The following RBM19 variants were observed in gnomAD, a reference collection of about 807,000 sequenced individuals.
RBM19 encodes RNA binding motif protein 19, also known as probable RNA-binding protein 19.
RBM19 carries 94 observed loss-of-function variants against 116.8 expected under a neutral mutation model. The observed-to-expected ratio is 0.80, with a 90% confidence interval of 0.68 to 0.95. The LOEUF (loss-of-function observed/expected upper bound fraction) is 0.95. Among genes scored for constraint, RBM19 ranks in the 40% least tolerant of loss-of-function variants. RBM19 has a pLI of 0.00. For missense variants in RBM19, 1,161 were observed against 1,220.7 expected (o/e 0.95, Z 0.73); for synonymous variants, 475 against 494.1 (o/e 0.96, Z 0.51).
In RBM19 at chr12:113,947,337, G is replaced by T. The variant is rs769013754; in HGVS notation, c.1404C>A (p.Phe468Leu). 6.3e-7 allele frequency: 1 copy of T among 1,593,766 alleles called. No individual in the cohort carries two copies. The highest frequency in any genetic ancestry group is 1.1e-5 in the South Asian group (1 of 90,070). Residue 468 changes from phenylalanine (F) to leucine (L), a missense_variant, in exon 11 of 24, where the codon TTC (phenylalanine) becomes TTA (leucine). By Grantham distance (22) the Phe-to-Leu change is conservative. Coordinates refer to ENST00000261741, the MANE Select transcript of RBM19 (RefSeq NM_016196.4). ...KAYSEVDGQV[F>L]QGRMLHVLPS... ...CCAGCCCAGGACGGGGCCTCACCTG[G>T]AATACCTGCCCGTCCACCTCCGAGT...
intron 21 of RBM19, among the ~76,000 whole-genome samples, chr12:113,869,688 T>C (rs1462675773): frequency 6.6e-6 from 1 of 151,752 alleles, no homozygotes; most frequent in Non-Finnish European, 1.5e-5. Context: ...GTACACGAAA[T>C]GTGAAAAGAG....
intron 21 of RBM19, among the ~76,000 whole-genome samples, chr12:113,889,964 A>G (rs1045296181): frequency 4.0e-5 from 6 of 151,490 alleles, no homozygotes; most frequent in African/African-American, 1.5e-4. Flanking sequence ...CTCCTTCTCC[A>G]GCTCCCCAGC....
chr12:113,844,004 G>A (rs931085323), intron 23 of RBM19, among the ~76,000 whole-genome samples: 9 of 152,232 alleles, frequency 5.9e-5, no homozygotes, highest in Non-Finnish European at 7.3e-5. Context: ...TAGCCCACCT[G>A]ATGAGGAATG....
In RBM19 at chr12:113,966,295, C is replaced by T; in HGVS notation, c.-68G>A. The T allele has an allele frequency of 6.3e-7, 1 of 1,597,738 alleles. No homozygotes were observed. Among genetic ancestry groups the T allele is most frequent in the Non-Finnish European group, 8.6e-7 (1 of 1,165,142 alleles). ...GCGTCTTCCACCAAGTTTCACGCTA[C>T]CGCCCTGGGCGCCGCCATCTTTACC... On this transcript the variant is annotated 5_prime_UTR_variant, in exon 1 of 24. Coordinates refer to ENST00000261741, the MANE Select transcript of RBM19 (RefSeq NM_016196.4).
At chr12:113,913,346 G>A (rs951014265) in intron 21 of RBM19, among the ~76,000 whole-genome samples, 5 of 152,146 alleles carry the variant, frequency 3.3e-5, no homozygotes, top group African/African-American at 1.2e-4. Flanking sequence ...AGGGACGACT[G>A]ATCAGTCGAG....
intron 21 of RBM19, among the ~76,000 whole-genome samples, chr12:113,886,341 C>G (rs1880516246): frequency 6.6e-6 from 1 of 152,072 alleles, no homozygotes; most frequent in South Asian, 2.1e-4. Context: ...CTATGTTGTC[C>G]ATGCTAGTCT....
chr12:113,939,840 C>T (rs747986048), intron 15 of RBM19, 120 bp downstream of exon 15: 32 of 1,025,010 alleles, frequency 3.1e-5, no homozygotes, highest in Non-Finnish European at 3.9e-5. Flanking sequence ...TCGTGACGGG[C>T]GGTTTAGGGT....
intron 1 of RBM19, among the ~76,000 whole-genome samples, chr12:113,964,491 C>A (rs1396539479): frequency 6.6e-6 from 1 of 152,102 alleles, no homozygotes; most frequent in African/African-American, 2.4e-5. Context: ...TGCAACAAAG[C>A]TGAATTTGGG....
intron 13 of RBM19, among the ~76,000 whole-genome samples, chr12:113,943,985 C>T (rs548188785): frequency 3.7e-4 from 56 of 152,070 alleles, no homozygotes; most frequent in Admixed American, 2.2e-3. Flanking sequence ...ACCTTCAGTG[C>T]CTGGTGGACA....
chr12:113,920,053 T>G (rs1167718275), intron 19 of RBM19, among the ~76,000 whole-genome samples: 1 of 152,174 alleles, frequency 6.6e-6, no homozygotes, highest in East Asian at 1.9e-4. Flanking sequence ...TCTTAGCTTT[T>G]CAAACGTACT....
At chr12:113,851,509 C>T (rs763669796) in intron 22 of RBM19, among the ~76,000 whole-genome samples, 10 of 152,196 alleles carry the variant, frequency 6.6e-5, no homozygotes, top group East Asian at 1.9e-4. Context: ...ACGGGCAGCA[C>T]GGACAGCTGA....
At chr12:113,932,917 A>G (rs1342800985) in intron 16 of RBM19, among the ~76,000 whole-genome samples, 1 of 152,114 alleles carries the variant, frequency 6.6e-6, no homozygotes, top group Non-Finnish European at 1.5e-5. Flanking sequence ...AGTTAGCACA[A>G]TCAAATCCAG....
intron 16 of RBM19, among the ~76,000 whole-genome samples, chr12:113,935,549 T>C (rs546766775): frequency 6.6e-6 from 1 of 152,218 alleles, no homozygotes; most frequent in South Asian, 2.1e-4. Flanking sequence ...ACCCCAACGA[T>C]GTGGGATGCT....
intron 15 of RBM19, 81 bp from the exon 16 acceptor site, chr12:113,937,217 A>T: frequency 6.5e-7 from 1 of 1,529,968 alleles, no homozygotes; most frequent in Non-Finnish European, 8.9e-7. Flanking sequence ...TGCAGATCAC[A>T]GCCCAAGGGT....
At chr12:113,947,600 T>C in intron 10 of RBM19, 136 bp from the exon 11 acceptor site, 1 of 910,330 alleles carries the variant, frequency 1.1e-6, no homozygotes, top group Non-Finnish European at 1.6e-6. Context: ...GTGTCTATCC[T>C]AACAGCAACA....
intron 15 of RBM19, among the ~76,000 whole-genome samples, chr12:113,938,124 G>A (rs1269995330): frequency 6.6e-6 from 1 of 152,094 alleles, no homozygotes; most frequent in East Asian, 1.9e-4. Context: ...AAAACAGGAG[G>A]CCTCACCTAG....
chr12:113,946,753 A>G (rs577404062), intron 11 of RBM19, among the ~76,000 whole-genome samples: 2 of 152,364 alleles, frequency 1.3e-5, no homozygotes, highest in South Asian at 4.1e-4. Context: ...TCAAGCCTGC[A>G]TCGCATCCTG....
rs1239938087 is a variant in RBM19 at position 113,844,800 on chromosome 12, C to T, written c.2665-12G>A. On this transcript the variant is annotated splice_polypyrimidine_tract_variant and intron_variant, in intron 22 of 23. Coordinates refer to ENST00000261741, the MANE Select transcript of RBM19 (RefSeq NM_016196.4). ...GCGTTGAAGGCTCTCTGCAGAGGGA[C>T]AAGAAACGAAACTGCACATCAGCTG... 2 of 1,602,990 alleles carry T rather than the reference C, an allele frequency of 1.2e-6. No individual in the cohort carries two copies.
chr12:113,918,704 A>G (rs907116637), intron 19 of RBM19, among the ~76,000 whole-genome samples: 1 of 152,258 alleles, frequency 6.6e-6, no homozygotes, highest in South Asian at 2.1e-4. Context: ...CCTAGATGTC[A>G]TTCAAGGGAC....
Sources: allele counts gnomAD v4.1 joint callset (sites outside exome capture counted in the v4.1 genomes callset), GRCh38; gene constraint gnomAD v4.1.1; transcripts MANE v1.5; gene names NCBI Gene and HGNC (gene_info 2026-07-23, HGNC 2026-07-21).